Variants in ZC3H12B observed in about 807,000 individuals in gnomAD.
The protein encoded by ZC3H12B is probable ribonuclease ZC3H12B.
A neutral mutation model predicts 43.9 loss-of-function variants in ZC3H12B; 7 were observed. That is an observed-to-expected ratio of 0.16 (90% CI 0.09 to 0.30). ZC3H12B has a LOEUF of 0.30. Among genes scored for constraint, ZC3H12B ranks in the 10% least tolerant of loss-of-function variants. The pLI is 1.00. For synonymous variants in ZC3H12B, 222 were observed against 241.7 expected, an observed-to-expected ratio of 0.92 and a Z score of 0.76; for missense variants, 475 against 670.2, an observed-to-expected ratio of 0.71 and a Z score of 3.22.
chrX:65,090,215 C>T, the ZC3H12B span, among the ~76,000 whole-genome samples: 2 of 111,875 alleles, frequency 1.8e-5, no homozygotes, highest in Non-Finnish European at 3.8e-5. Flanking sequence ...TACATTGTTG[C>T]AGTGACTGTG....
chrX:65,426,652 G>A (rs2067087695), intron 3 of ZC3H12B, among the ~76,000 whole-genome samples: 1 of 111,520 alleles, frequency 9.0e-6, no homozygotes, highest in Non-Finnish European at 1.9e-5. Flanking sequence ...GCATCCCAGA[G>A]ATTCTGGTAT....
the ZC3H12B span, among the ~76,000 whole-genome samples, chrX:65,189,559 A>C: frequency 9.3e-6 from 1 of 107,879 alleles, no homozygotes. Context: ...GATGATGAGC[A>C]TTTTTTCATG....
At chrX:65,168,385 C>A in the ZC3H12B span, among the ~76,000 whole-genome samples, 4 of 111,721 alleles carry the variant, frequency 3.6e-5, no homozygotes, top group African/African-American at 1.3e-4. Context: ...AGGGATGAAG[C>A]CCACTTGATC....
the ZC3H12B span, among the ~76,000 whole-genome samples, chrX:65,227,178 G>C: frequency 2.1e-4 from 23 of 111,423 alleles, no homozygotes; most frequent in African/African-American, 6.2e-4. Flanking sequence ...TTATAACAAA[G>C]TGTCTCTCAG....
chrX:65,252,824 T>C, the ZC3H12B span, among the ~76,000 whole-genome samples: 1 of 112,232 alleles, frequency 8.9e-6, no homozygotes, highest in Admixed American at 9.5e-5. Context: ...ACTGTGAGTA[T>C]ATGATCATTT....
chrX:65,464,278 G>T (rs1044045576), intron 3 of ZC3H12B, among the ~76,000 whole-genome samples: 2 of 111,446 alleles, frequency 1.8e-5, no homozygotes, highest in African/African-American at 6.5e-5. Flanking sequence ...TATGTTTTTT[G>T]ATTATGAATT....
intron 2 of ZC3H12B, among the ~76,000 whole-genome samples, chrX:65,379,384 G>A (rs1444481925): frequency 1.8e-5 from 2 of 111,302 alleles, no homozygotes; most frequent in East Asian, 2.8e-4. Flanking sequence ...CAACAGACCT[G>A]CAGCTGAGGG....
the ZC3H12B span, among the ~76,000 whole-genome samples, chrX:65,054,885 G>A: frequency 4.5e-5 from 5 of 111,246 alleles, no homozygotes; most frequent in Non-Finnish European, 9.4e-5. Flanking sequence ...TTGGCTCTCT[G>A]TTTGTCTGTT....
At chrX:65,158,859 C>G in the ZC3H12B span, among the ~76,000 whole-genome samples, 1 of 111,891 alleles carries the variant, frequency 8.9e-6, no homozygotes, top group Non-Finnish European at 1.9e-5. Context: ...TGCCTGTGTC[C>G]TGAATGGTAA....
intron 3 of ZC3H12B, among the ~76,000 whole-genome samples, chrX:65,459,475 C>T (rs1174630043): frequency 3.6e-5 from 4 of 111,386 alleles, no homozygotes; most frequent in South Asian, 3.8e-4. Context: ...ACTGGCAAAC[C>T]GAATCCAGCA....
the ZC3H12B span, among the ~76,000 whole-genome samples, chrX:65,178,009 A>G: frequency 8.9e-6 from 1 of 112,125 alleles, no homozygotes; most frequent in Non-Finnish European, 1.9e-5. Context: ...CTGACTTCAA[A>G]CTATACTACA....
At chrX:65,047,119 G>T in the ZC3H12B span, among the ~76,000 whole-genome samples, 2 of 111,437 alleles carry the variant, frequency 1.8e-5, no homozygotes, top group African/African-American at 6.5e-5. Flanking sequence ...AGAGAGACAT[G>T]AAGTGAGCAC....
At chrX:65,062,749 C>T in the ZC3H12B span, among the ~76,000 whole-genome samples, 2 of 111,863 alleles carry the variant, frequency 1.8e-5, no homozygotes, top group Non-Finnish European at 3.8e-5. Flanking sequence ...TTACTTTGGA[C>T]TGTGTGGCCA....
At chrX:65,163,723 C>T in the ZC3H12B span, among the ~76,000 whole-genome samples, 1 of 111,806 alleles carries the variant, frequency 8.9e-6, no homozygotes, top group African/African-American at 3.3e-5. Context: ...TTGTGCTTCC[C>T]GAGTGAGGCA....
chrX:65,319,724 C>T, the ZC3H12B span, among the ~76,000 whole-genome samples: 28 of 111,361 alleles, frequency 2.5e-4, no homozygotes, highest in Middle Eastern at 4.6e-3. Flanking sequence ...GCTAATCCAC[C>T]TTGACCAAGT....
chrX:65,211,946 C>G, the ZC3H12B span, among the ~76,000 whole-genome samples: 2 of 62,655 alleles, frequency 3.2e-5, no homozygotes, highest in Non-Finnish European at 5.3e-5. Context: ...GTTATGTATA[C>G]TATATAATAT....
chrX:65,171,442 G>A, the ZC3H12B span, among the ~76,000 whole-genome samples: 6 of 110,959 alleles, frequency 5.4e-5, no homozygotes, highest in Admixed American at 9.6e-5. Context: ...TGAGGTGTCA[G>A]TCGGCCCGTA....
the ZC3H12B span, among the ~76,000 whole-genome samples, chrX:65,078,385 G>A: frequency 1.8e-5 from 2 of 112,174 alleles, no homozygotes; most frequent in African/African-American, 3.2e-5. Flanking sequence ...ACATTCCAAC[G>A]TTTCAAGTTC....
At chrX:65,358,839 T>C in the ZC3H12B span, among the ~76,000 whole-genome samples, 1 of 111,818 alleles carries the variant, frequency 8.9e-6, no homozygotes, top group South Asian at 3.8e-4. Context: ...AGATTTTCAA[T>C]GTAGACGAAA....
Sources: allele counts gnomAD v4.1 joint callset (sites outside exome capture counted in the v4.1 genomes callset), GRCh38; gene constraint gnomAD v4.1.1; transcripts MANE v1.5; gene names NCBI Gene and HGNC (gene_info 2026-07-23, HGNC 2026-07-21).